Variants in CAP1 observed in about 807,000 individuals in gnomAD.
CAP1 encodes the protein cyclase associated actin cytoskeleton regulatory protein 1, also known as adenylyl cyclase-associated protein 1.
In CAP1, 11 loss-of-function variants were observed where a neutral mutation model predicts 58.2. The ratio of observed to expected loss-of-function variants is 0.19; its 90% CI spans 0.12 to 0.31. CAP1 has a LOEUF of 0.31. Among genes scored for constraint, CAP1 ranks in the 10% least tolerant of loss-of-function variants. The pLI is 1.00. For synonymous variants in CAP1, 183 were observed against 213.8 expected (o/e 0.86, Z 1.26); for missense variants, 423 against 587.5 (o/e 0.72, Z 2.89).
upstream of CAP1, chr1:40,040,412 G>A (rs1645757844): frequency 6.6e-6 from 1 of 152,372 alleles, no homozygotes; most frequent in African/African-American, 2.4e-5. Flanking sequence ...TTCCAGAGAG[G>A]AGCTTAGCCA....
At chr1:40,071,057 T>G in intron 12 of CAP1, 78 bp downstream of exon 12, 1 of 1,376,102 alleles carries the variant, frequency 7.3e-7, no homozygotes, top group Non-Finnish European at 1.0e-6. Flanking sequence ...AAAGCTATTT[T>G]ATGAACATTC....
At position 40,071,662 on chromosome 1, in the gene CAP1, T is replaced by C; in HGVS notation, c.*129T>C. ...GCTTCTCTGCTCTGAGAAGCACAGC[T>C]ACCTGCCTTCACTGAAATATACCTC... On this transcript the variant is annotated 3_prime_UTR_variant, in exon 13 of 13. Coordinates refer to ENST00000372805, the MANE Select transcript of CAP1 (RefSeq NM_006367.4). 1 of 631,260 alleles carries C rather than the reference T, an allele frequency of 1.6e-6. No individual in the cohort carries two copies. 39.1% of individuals were successfully genotyped at this position (631,260 alleles called of 1,614,324 possible).
chr1:40,064,548 G>C lies in CAP1; in HGVS notation c.513G>C (p.Glu171Asp). Residue 171 changes from glutamate (E) to aspartate (D), a missense_variant, in exon 6 of 13, where the codon GAG becomes GAC. Transcript: ENST00000372805. ...TTTATACAAACCGAGTCCTCAAAGAGTACAAAGATGTGTAAGTTCAGCCTT... is the reference window on the plus strand; with the variant it reads ...TTTATACAAACCGAGTCCTCAAAGACTACAAAGATGTGTAAGTTCAGCCTT... Reference protein sequence around the residue: ...AMFYTNRVLKEYKDVDKKHVD... With the variant: ...AMFYTNRVLKDYKDVDKKHVD... 6.2e-7 allele frequency: 1 copy of C among 1,611,756 alleles called. No homozygotes were observed.
chr1:40,054,264 T>G (rs1436936333), intron 1 of CAP1, among the ~76,000 whole-genome samples: 2 of 149,478 alleles, frequency 1.3e-5, no homozygotes, highest in African/African-American at 5.0e-5. Flanking sequence ...AATCTCAGCT[T>G]ACTGCAACCT....
intron 1 of CAP1, among the ~76,000 whole-genome samples, chr1:40,046,673 G>C (rs1646120483): frequency 1.3e-5 from 2 of 152,014 alleles, no homozygotes; most frequent in Non-Finnish European, 2.9e-5. Context: ...ACTGCACATG[G>C]TGTAACTTAT....
chr1:40,049,016 C>T (rs1213725513), intron 1 of CAP1, among the ~76,000 whole-genome samples: 2 of 151,994 alleles, frequency 1.3e-5, no homozygotes, highest in African/African-American at 4.8e-5. Flanking sequence ...GAAATTCATG[C>T]TACTGTCTTA....
intron 2 of CAP1, among the ~76,000 whole-genome samples, 179 bp downstream of exon 2, chr1:40,059,637 T>C (rs1646763322): frequency 6.6e-6 from 1 of 151,852 alleles, no homozygotes; most frequent in Non-Finnish European, 1.5e-5. Flanking sequence ...GGCCTGTGGT[T>C]AAGTTATTTT....
intron 1 of CAP1, chr1:40,041,038 A>G (rs1225552731): frequency 6.6e-6 from 1 of 152,544 alleles, no homozygotes; most frequent in Non-Finnish European, 1.5e-5. Flanking sequence ...AGCGCTGCCC[A>G]TCAGCTTCAG....
intron 1 of CAP1, among the ~76,000 whole-genome samples, chr1:40,055,857 A>G (rs967164028): frequency 5.9e-5 from 9 of 152,088 alleles, no homozygotes; most frequent in African/African-American, 2.2e-4. Flanking sequence ...GCATCTATTC[A>G]TGAGATACAC....
chr1:40,050,935 T>A (rs1300658551), intron 1 of CAP1, among the ~76,000 whole-genome samples: 1 of 152,208 alleles, frequency 6.6e-6, no homozygotes, highest in Non-Finnish European at 1.5e-5. Context: ...TGCTCATGCA[T>A]CCTTGTTCCC....
chr1:40,053,631 A>G (rs59549862), intron 1 of CAP1, among the ~76,000 whole-genome samples: 21,557 of 151,850 alleles, frequency 0.14, 1,828 homozygotes, highest in African/African-American at 0.24. Flanking sequence ...ATTTTTAGTA[A>G]AGACGGGGTT....
At chr1:40,054,940 G>A (rs1646546430) in intron 1 of CAP1, among the ~76,000 whole-genome samples, 1 of 152,220 alleles carries the variant, frequency 6.6e-6, no homozygotes, top group African/African-American at 2.4e-5. Flanking sequence ...ACAGGCGTGA[G>A]CCACCATGCC....
chr1:40,042,861 A>C (rs1645902034), intron 1 of CAP1, among the ~76,000 whole-genome samples: 3 of 152,138 alleles, frequency 2.0e-5, no homozygotes, highest in Admixed American at 6.6e-5. Context: ...ATAGAATTGG[A>C]GGCTGATTAT....
intron 1 of CAP1, among the ~76,000 whole-genome samples, chr1:40,045,748 G>T (rs1646065303): frequency 1.3e-5 from 2 of 152,228 alleles, no homozygotes; most frequent in South Asian, 4.1e-4. Context: ...TAGGGACAGG[G>T]TTTTGCCATG....
At position 40,072,162 on chromosome 1, in the gene CAP1, C is replaced by G. The variant is rs1262344541; in HGVS notation, c.*629C>G. ...TCTGGTACTAGCTGCTGTAGCAGTG[C>G]CCTTCATCCAGGGCAGTTAATGGAG... On this transcript the variant is annotated 3_prime_UTR_variant, in exon 13 of 13. Coordinates refer to ENST00000372805, the MANE Select transcript of CAP1 (RefSeq NM_006367.4). 2.5e-6 allele frequency: 1 copy of G among 398,774 alleles called. No homozygotes were observed. The highest frequency in any genetic ancestry group is 4.4e-6 in the Non-Finnish European group (1 of 226,238). The allele number at this position is 398,774 out of a possible 1,614,324, so 24.7% of individuals were successfully genotyped here.
chr1:40,062,916 A>G (rs1376244996), intron 4 of CAP1, among the ~76,000 whole-genome samples: 6 of 152,138 alleles, frequency 3.9e-5, no homozygotes, highest in Non-Finnish European at 7.4e-5. Flanking sequence ...AAGGGTGCAA[A>G]CACAAACAAA....
chr1:40,043,500 G>A (rs1476586903), intron 1 of CAP1, among the ~76,000 whole-genome samples: 1 of 152,166 alleles, frequency 6.6e-6, no homozygotes, highest in Non-Finnish European at 1.5e-5. Context: ...CCGGCGTGAA[G>A]GGCTTTTAAT....
chr1:40,040,851 G>C (rs1645782369), intron 1 of CAP1, 50 bp downstream of exon 1: 1 of 152,896 alleles, frequency 6.5e-6, no homozygotes. Flanking sequence ...GGGGCCCATC[G>C]GCCCCTGGTG....
intron 1 of CAP1, among the ~76,000 whole-genome samples, chr1:40,044,861 A>G (rs934253533): frequency 4.2e-5 from 6 of 143,444 alleles, no homozygotes; most frequent in African/African-American, 1.6e-4. Flanking sequence ...CAGTGGCACA[A>G]TCTCGGCTCA....
Sources: gnomAD v4.1 joint callset for allele counts (sites outside exome capture counted in the v4.1 genomes callset) on GRCh38, gnomAD v4.1.1 for gene constraint, MANE v1.5 for transcripts, NCBI Gene and HGNC (gene_info 2026-07-23, HGNC 2026-07-21) for gene names.